PPM1H: variants seen among roughly 807,000 people sequenced by gnomAD.
PPM1H encodes the protein protein phosphatase, Mg2+/Mn2+ dependent 1H.
PPM1H carries 27 observed loss-of-function variants against 54.9 expected under a neutral mutation model. The ratio of observed to expected loss-of-function variants is 0.49; its 90% CI spans 0.36 to 0.68. The LOEUF is 0.68. Ranked by LOEUF, PPM1H falls within the 30% of genes least tolerant of loss-of-function variation. PPM1H has a pLI of 0.00. For missense variants in PPM1H, 596 were observed against 667.8 expected (o/e 0.89, Z 1.19); for synonymous variants, 305 against 270.8 (o/e 1.13, Z -1.24).
chr12:62,733,802 A>C (rs2076336560), intron 5 of PPM1H, among the ~76,000 whole-genome samples: 1 of 152,204 alleles, frequency 6.6e-6, no homozygotes, highest in South Asian at 2.1e-4. Flanking sequence ...AAATTCAGAC[A>C]TTAGGTTCGG....
chr12:62,761,621 C>T (rs537156704), intron 4 of PPM1H, among the ~76,000 whole-genome samples: 1 of 152,124 alleles, frequency 6.6e-6, no homozygotes, highest in South Asian at 2.1e-4. Context: ...TTCTCATTGC[C>T]CCAGCCTTAT....
At chr12:62,790,234 G>A (rs186124269) in intron 3 of PPM1H, among the ~76,000 whole-genome samples, 4 of 152,172 alleles carry the variant, frequency 2.6e-5, no homozygotes, top group African/African-American at 7.2e-5. Context: ...ATCACCAATG[G>A]GAAACTGGAA....
intron 3 of PPM1H, among the ~76,000 whole-genome samples, chr12:62,795,472 A>G (rs544498023): frequency 6.6e-6 from 1 of 152,058 alleles, no homozygotes; most frequent in South Asian, 2.1e-4. Flanking sequence ...TGAGACAGAG[A>G]GTCTTGCTCT....
rs1166515505 is a variant in PPM1H at position 62,648,606 on chromosome 12, C to A, written c.1428G>T (p.Met476Ile). 1.2e-6 allele frequency: 2 copies of A among 1,614,004 alleles called. No homozygotes were observed. Among genetic ancestry groups the A allele is most frequent in the Non-Finnish European group, 1.7e-6 (2 of 1,179,900 alleles). Residue 476 changes from methionine to isoleucine, a missense_variant, in exon 10 of 10, where the codon ATG becomes ATT. By Grantham distance (10) the Met-to-Ile change is conservative. This residue lies in a region of PPM1H where 208 missense variants were observed against 259.5 expected (regional missense o/e 0.80). Coordinates refer to ENST00000228705, the MANE Select transcript of PPM1H (RefSeq NM_020700.2). The stretch of plus-strand genomic sequence containing the variant: ...TGTCCTTCAGCACACCCCGGGCACG[C>A]ATCACCAGGTCCTGAGCTGCCAGTG... ...RYTLAAQDLVMRARGVLKDRG... is the reference protein window; with the variant it reads ...RYTLAAQDLVIRARGVLKDRG...
In PPM1H at chr12:62,689,787, A is replaced by G. The variant is rs1487442040; in HGVS notation, c.1157T>C (p.Ile386Thr). Residue 386 changes from isoleucine to threonine, a missense_variant, in exon 8 of 10, where the codon ATT (isoleucine) becomes ACT (threonine). Physicochemically the swap from Ile to Thr is moderately conservative, Grantham distance 89 (BLOSUM62 -1). Transcript: ENST00000228705. ...EGKKARVMAT[I>T]GVTRGLGDHD... ...GTCCCCAAGTCCCCTGGTCACTCCA[A>G]TAGTTGCCATTACCCGGGCCTAGGA... The G allele has an allele frequency of 6.2e-7, 1 of 1,613,138 alleles. No individual in the cohort carries two copies. Among genetic ancestry groups the G allele is most frequent in the Non-Finnish European group, 8.5e-7 (1 of 1,179,544 alleles).
intron 6 of PPM1H, among the ~76,000 whole-genome samples, chr12:62,717,395 T>C (rs1488825495): frequency 6.6e-6 from 1 of 152,080 alleles, no homozygotes; most frequent in Non-Finnish European, 1.5e-5. Context: ...TGAAGTTCTA[T>C]ACAATTAAAA....
At chr12:62,705,256 T>A (rs1303865427) in intron 6 of PPM1H, among the ~76,000 whole-genome samples, 2 of 152,222 alleles carry the variant, frequency 1.3e-5, no homozygotes, top group African/African-American at 4.8e-5. Context: ...TGTGAATGGG[T>A]CCCTACCCAC....
intron 3 of PPM1H, among the ~76,000 whole-genome samples, chr12:62,791,543 C>G (rs2076701300): frequency 6.6e-6 from 1 of 152,172 alleles, no homozygotes; most frequent in African/African-American, 2.4e-5. Flanking sequence ...AAAGGAACTG[C>G]TCAGCTACAG....
At chr12:62,757,924 A>T (rs1373429523) in intron 4 of PPM1H, among the ~76,000 whole-genome samples, 1 of 152,210 alleles carries the variant, frequency 6.6e-6, no homozygotes, top group African/African-American at 2.4e-5. Context: ...GGCTTCCCAC[A>T]TGCAACCCTT....
intron 1 of PPM1H, among the ~76,000 whole-genome samples, chr12:62,839,971 T>C (rs1261346030): frequency 1.3e-5 from 2 of 150,776 alleles, no homozygotes; most frequent in South Asian, 2.1e-4. Flanking sequence ...CTAGGAGAAG[T>C]TGGATGCTGC....
intron 1 of PPM1H, among the ~76,000 whole-genome samples, chr12:62,900,711 T>A (rs1171783107): frequency 6.6e-6 from 1 of 151,742 alleles, no homozygotes; most frequent in African/African-American, 2.4e-5. Context: ...TCTAACCTAA[T>A]CCACATACTA....
intron 1 of PPM1H, among the ~76,000 whole-genome samples, chr12:62,840,419 T>A (rs1868701446): frequency 6.6e-6 from 1 of 152,160 alleles, no homozygotes; most frequent in Non-Finnish European, 1.5e-5. Flanking sequence ...AGGGGAGGGA[T>A]GCACACATTT....
At chr12:62,764,978 G>T (rs1422785649) in intron 4 of PPM1H, among the ~76,000 whole-genome samples, 1 of 152,262 alleles carries the variant, frequency 6.6e-6, no homozygotes, top group African/African-American at 2.4e-5. Context: ...GGAGGCTCGA[G>T]GGATGGGCTG....
At chr12:62,751,910 C>T (rs1172859790) in intron 4 of PPM1H, among the ~76,000 whole-genome samples, 1 of 152,180 alleles carries the variant, frequency 6.6e-6, no homozygotes, top group African/African-American at 2.4e-5. Context: ...GTTATATGGG[C>T]TAGATGCTGC....
intron 6 of PPM1H, among the ~76,000 whole-genome samples, chr12:62,695,468 G>T (rs2076109393): frequency 6.6e-6 from 1 of 152,196 alleles, no homozygotes; most frequent in African/African-American, 2.4e-5. Flanking sequence ...AAATGCTGCT[G>T]CTGTTGAGTG....
intron 1 of PPM1H, among the ~76,000 whole-genome samples, chr12:62,896,021 G>C (rs1446128268): frequency 4.6e-5 from 7 of 152,052 alleles, no homozygotes; most frequent in Non-Finnish European, 7.4e-5. Flanking sequence ...ATACACATTA[G>C]AGAATCAGTA....
At chr12:62,805,448 A>C (rs538488784) in intron 2 of PPM1H, among the ~76,000 whole-genome samples, 4 of 152,360 alleles carry the variant, frequency 2.6e-5, no homozygotes, top group African/African-American at 2.4e-5. Flanking sequence ...CAACCTTAGC[A>C]TCCATCAACA....
chr12:62,685,727 G>A (rs2076047417), intron 8 of PPM1H, among the ~76,000 whole-genome samples: 1 of 152,148 alleles, frequency 6.6e-6, no homozygotes, highest in Non-Finnish European at 1.5e-5. Flanking sequence ...CATGACCACA[G>A]TTAATAATAA....
At chr12:62,733,983 C>T (rs1247147750) in intron 5 of PPM1H, among the ~76,000 whole-genome samples, 1 of 152,258 alleles carries the variant, frequency 6.6e-6, no homozygotes, top group East Asian at 1.9e-4. Flanking sequence ...CCAAAACTCA[C>T]ATGTTGAAGC....
Sources: allele counts gnomAD v4.1 joint callset (sites outside exome capture counted in the v4.1 genomes callset), GRCh38; gene constraint gnomAD v4.1.1; regional missense constraint gnomAD v4.1.1; transcripts MANE v1.5; gene names NCBI Gene and HGNC (gene_info 2026-07-23, HGNC 2026-07-21).